XIRP2: variants seen among roughly 807,000 people sequenced by gnomAD.
XIRP2 encodes the protein xin actin-binding repeat-containing protein 2.
XIRP2 carries 236 observed loss-of-function variants against 277.0 expected under a neutral mutation model. That is an observed-to-expected ratio of 0.85 (90% confidence interval 0.77 to 0.95). The LOEUF is 0.95. XIRP2 is among the 40% of genes least tolerant of loss of function. XIRP2 has a pLI of 0.00. For synonymous variants in XIRP2, 1,490 were observed against 1,416.5 expected (o/e 1.05, Z -1.17); for missense variants, 4,640 against 4,157.5 (o/e 1.12, Z -3.19).
chr2:167,124,865 T>A (rs1691154837), intron 2 of XIRP2, among the ~76,000 whole-genome samples: 1 of 152,134 alleles, frequency 6.6e-6, no homozygotes, highest in Non-Finnish European at 1.5e-5. Context: ...AGAAAATGCA[T>A]TCATTAAATG....
rs574444147 is a variant in XIRP2, at chr2:167,039,686, AG to A, written c.409-96221del. Among the ~76,000 whole-genome samples the A allele has an allele frequency of 1.5e-4, 23 of 152,346 alleles. No individual in the cohort carries two copies. The South Asian group carries it at 4.1e-3, about 27-fold the overall frequency. ...CTGATAGACAAGAGTAGACTTTGGC[AG>A]GTCTTATACAATGTCACACTATTTG... On this transcript the variant is annotated intron_variant, in intron 2 of 10. Transcript: ENST00000409195.
chr2:167,047,133 G>A (rs188284489), intron 2 of XIRP2, among the ~76,000 whole-genome samples: 4 of 151,780 alleles, frequency 2.6e-5, no homozygotes, highest in East Asian at 3.9e-4. Context: ...GAAGTAAATC[G>A]AAGTGTAAGA....
At chr2:166,997,683 G>A (rs1355765090) in intron 2 of XIRP2, among the ~76,000 whole-genome samples, 1 of 152,082 alleles carries the variant, frequency 6.6e-6, no homozygotes, top group East Asian at 1.9e-4. Context: ...GAGGCAGGTA[G>A]ATCACTAGGT....
intron 3 of XIRP2, among the ~76,000 whole-genome samples, chr2:167,166,534 A>G (rs189591129): frequency 1.5e-3 from 225 of 152,230 alleles, no homozygotes; most frequent in Non-Finnish European, 2.5e-3. Flanking sequence ...CTGACCCTGG[A>G]TAATTTATAA....
intron 2 of XIRP2, among the ~76,000 whole-genome samples, chr2:167,087,453 G>C (rs1323617435): frequency 6.6e-6 from 1 of 152,194 alleles, no homozygotes; most frequent in African/African-American, 2.4e-5. Flanking sequence ...GCCTCCTTGA[G>C]CTGTGGTGGG....
At chr2:167,227,198 A>G (rs558035536) in intron 5 of XIRP2, among the ~76,000 whole-genome samples, 58 of 152,230 alleles carry the variant, frequency 3.8e-4, no homozygotes, top group African/African-American at 1.3e-3. Context: ...TTATGTTGAC[A>G]TTTCTCTTGA....
chr2:166,929,627 G>C (rs1312774475), intron 2 of XIRP2, among the ~76,000 whole-genome samples: 1 of 152,044 alleles, frequency 6.6e-6, no homozygotes, highest in Non-Finnish European at 1.5e-5. Context: ...ATTTCTTAAA[G>C]GGTCAGTACT....
At chr2:167,000,304 A>G (rs541818140) in intron 2 of XIRP2, among the ~76,000 whole-genome samples, 92 of 152,240 alleles carry the variant, frequency 6.0e-4, no homozygotes, top group Non-Finnish European at 7.4e-4. Context: ...TGATTGTTTC[A>G]TGGGTTTCAT....
chr2:166,916,521 T>C (rs903546394), intron 2 of XIRP2, among the ~76,000 whole-genome samples: 8 of 152,078 alleles, frequency 5.3e-5, no homozygotes, highest in Non-Finnish European at 1.0e-4. Context: ...CAAAAATATA[T>C]AGAAAAATTA....
chr2:167,199,153 A>G (rs546409080), intron 3 of XIRP2, among the ~76,000 whole-genome samples: 2 of 152,346 alleles, frequency 1.3e-5, no homozygotes, highest in South Asian at 2.1e-4. Flanking sequence ...TCAGATGCTA[A>G]CCTTAAAAGA....
intron 2 of XIRP2, among the ~76,000 whole-genome samples, chr2:166,997,239 TA>T (rs761030416): frequency 1.1e-3 from 161 of 152,346 alleles, no homozygotes; most frequent in Non-Finnish European, 1.6e-3. Flanking sequence ...ACTACATTCT[TA>T]ACCCTATTTG....
chr2:167,038,169 TA>T (rs1166305451), intron 2 of XIRP2, among the ~76,000 whole-genome samples: 3 of 152,002 alleles, frequency 2.0e-5, no homozygotes, highest in African/African-American at 4.8e-5. Flanking sequence ...CATTTTTGAA[TA>T]AAAAATTTTA....
intron 2 of XIRP2, among the ~76,000 whole-genome samples, chr2:166,909,290 G>A (rs77431505): frequency 0.2 from 30,773 of 151,992 alleles, 4,383 homozygotes; most frequent in African/African-American, 0.4. Flanking sequence ...CTTTTATTTC[G>A]TTGAACAGTG....
chr2:167,234,484 T>G (rs1312669332), intron 5 of XIRP2, among the ~76,000 whole-genome samples: 1 of 151,350 alleles, frequency 6.6e-6, no homozygotes, highest in Non-Finnish European at 1.5e-5. Flanking sequence ...CCCAATGCCG[T>G]TGAGATAACC....
In XIRP2 at chr2:167,244,798, C is replaced by T. The variant is rs1222020776; in HGVS notation, c.3406C>T (p.Leu1136Phe). Residue 1136 changes from leucine to phenylalanine, a missense_variant, in exon 9 of 11, where the codon CTT (leucine) becomes TTT (phenylalanine). By Grantham distance (22) the Leu-to-Phe change is conservative. Coordinates refer to ENST00000409195, the MANE Select transcript of XIRP2 (RefSeq NM_152381.6). ...TACTTGGCTCTTTGAAACTCAGCCA[C>T]TTGATACCATAAAAGATGACTCTGA... ...TCTWLFETQP[L>F]DTIKDDSETA... 6.2e-7 allele frequency: 1 copy of T among 1,613,572 alleles called. No individual in the cohort carries two copies. The highest frequency in any genetic ancestry group is 2.2e-5 in the East Asian group (1 of 44,848).
rs190703436 is a variant in XIRP2 at position 166,904,225 on chromosome 2, A to G, written c.408+335A>G. Among the ~76,000 whole-genome samples, 199 of 152,254 alleles carry G rather than the reference A, an allele frequency of 1.3e-3. 4 individuals are homozygous for G. Among genetic ancestry groups the G allele is most frequent in the African/African-American group, 4.6e-3 (191 of 41,570 alleles). On this transcript the variant is annotated intron_variant, in intron 2 of 10. Coordinates refer to ENST00000409195, the MANE Select transcript of XIRP2 (RefSeq NM_152381.6). ...TCTAACCACTCTTTGTGCCTCAAAC[A>G]TTTAACAAATGGTGTTGCTTTTAGC...
chr2:167,013,929 T>C (rs1304494350), intron 2 of XIRP2, among the ~76,000 whole-genome samples: 2 of 151,356 alleles, frequency 1.3e-5, no homozygotes, highest in South Asian at 2.1e-4. Flanking sequence ...GTATCTAGTA[T>C]CTGTTTCTTT....
rs532497489 is a variant in XIRP2 at position 167,184,487 on chromosome 2, T to C, written c.563-26248T>C. 7.0e-4 allele frequency: 479 copies of C among 681,116 alleles called. 13 individuals carry two copies. The South Asian group carries it at 7.5e-3, about 11-fold the overall frequency. The allele number at this position is 681,116 out of a possible 1,614,324, so 42.2% of individuals were successfully genotyped here. A position where few individuals can be genotyped will look rare whatever the true frequency, so the allele number is the denominator to read the frequency against. ...GAGATCCCTCGCTTCTTCAGTTTTG[T>C]TGCTCCAGTCCCATGGAATTGCCAA... On this transcript the variant is annotated intron_variant, in intron 3 of 10. Transcript: ENST00000409195.
chr2:167,008,915 T>C (rs1687580072), intron 2 of XIRP2, among the ~76,000 whole-genome samples: 1 of 151,510 alleles, frequency 6.6e-6, no homozygotes, highest in Non-Finnish European at 1.5e-5. Flanking sequence ...CACAACATAC[T>C]TTTCACCTAA....
Sources: allele counts gnomAD v4.1 joint callset (sites outside exome capture counted in the v4.1 genomes callset), GRCh38; gene constraint gnomAD v4.1.1; transcripts MANE v1.5; gene names NCBI Gene and HGNC (gene_info 2026-07-23, HGNC 2026-07-21).